The following TAF4B variants were observed in gnomAD, a reference collection of about 807,000 sequenced individuals.
TAF4B encodes TATA-box binding protein associated factor 4b.
TAF4B carries 38 observed loss-of-function variants against 86.4 expected under a neutral mutation model. The ratio of observed to expected loss-of-function variants is 0.44; its 90% CI spans 0.34 to 0.58. The LOEUF (loss-of-function observed/expected upper bound fraction) is 0.58, where lower values mean the gene tolerates loss of function less well. Among genes scored for constraint, TAF4B ranks in the 20% least tolerant of loss-of-function variants. The pLI, the probability that TAF4B is intolerant of heterozygous loss-of-function variation, is 0.02. For synonymous variants in TAF4B, 388 were observed against 391.2 expected, an observed-to-expected ratio of 0.99 and a Z score of 0.10; for missense variants, 988 against 1,027.6, an observed-to-expected ratio of 0.96 and a Z score of 0.53.
At chr18:26,359,766 G>T (rs1189380917) in intron 14 of TAF4B, among the ~76,000 whole-genome samples, 1 of 152,192 alleles carries the variant, frequency 6.6e-6, no homozygotes, top group East Asian at 1.9e-4. Flanking sequence ...TGTCACCCAG[G>T]ATGGAGTGGC....
chr18:26,337,424 C>CTTTTTTTT (rs551888808), intron 13 of TAF4B, among the ~76,000 whole-genome samples: 27 of 126,106 alleles, frequency 2.1e-4, no homozygotes, highest in Non-Finnish European at 2.5e-4. Flanking sequence ...TTCTTTCTTT[C>CTTTTTTTT]TTTTTTTTTT....
chr18:26,279,998 C>G (rs140964150), intron 5 of TAF4B, among the ~76,000 whole-genome samples: 1 of 151,168 alleles, frequency 6.6e-6, no homozygotes, highest in African/African-American at 2.4e-5. Flanking sequence ...GGGCCAAGAT[C>G]ACGCCACTGC....
intron 9 of TAF4B, among the ~76,000 whole-genome samples, chr18:26,298,262 G>T (rs1026845747): frequency 2.6e-5 from 4 of 151,308 alleles, no homozygotes; most frequent in African/African-American, 9.7e-5. Context: ...GCTCTGTCAC[G>T]CAGGCTGCAA....
chr18:26,382,613 T>G (rs1978296081), intron 14 of TAF4B, among the ~76,000 whole-genome samples: 1 of 152,118 alleles, frequency 6.6e-6, no homozygotes, highest in African/African-American at 2.4e-5. Flanking sequence ...TTGGTTTGGC[T>G]TAAAGCTGAC....
intron 13 of TAF4B, among the ~76,000 whole-genome samples, chr18:26,346,883 ATATATATATATATATATGTGTGTG>A (rs1567914223): frequency 0.011 from 82 of 7,760 alleles, 13 homozygotes; most frequent in African/African-American, 0.014. Flanking sequence ...ATGTGTATAT[ATATATATATATATATATGTGTGTG>A]TATATATATA....
chr18:26,272,311 C>T (rs989314849), intron 3 of TAF4B, among the ~76,000 whole-genome samples: 1 of 152,178 alleles, frequency 6.6e-6, no homozygotes, highest in African/African-American at 2.4e-5. Flanking sequence ...GCACCGCTGG[C>T]CTGACAGGAG....
At chr18:26,361,938 A>G (rs964275516) in intron 14 of TAF4B, among the ~76,000 whole-genome samples, 2 of 152,120 alleles carry the variant, frequency 1.3e-5, no homozygotes, top group Admixed American at 6.6e-5. Flanking sequence ...GTATATTCCT[A>G]TAAATATGCT....
chr18:26,272,731 A>G (rs930409308), intron 3 of TAF4B, among the ~76,000 whole-genome samples: 2 of 152,176 alleles, frequency 1.3e-5, no homozygotes, highest in African/African-American at 2.4e-5. Flanking sequence ...ATGACTGATT[A>G]TAAGATAGAC....
intron 3 of TAF4B, among the ~76,000 whole-genome samples, chr18:26,268,670 A>G (rs1162881684): frequency 6.6e-6 from 1 of 152,146 alleles, no homozygotes; most frequent in African/African-American, 2.4e-5. Flanking sequence ...TTTTGCCTCC[A>G]TTGCGTAATA....
At chr18:26,240,153 C>T (rs562306350) in intron 1 of TAF4B, among the ~76,000 whole-genome samples, 1 of 152,260 alleles carries the variant, frequency 6.6e-6, no homozygotes, top group African/African-American at 2.4e-5. Flanking sequence ...ATGGGGATGG[C>T]ATTGAATCTA....
At chr18:26,234,131 GT>G (rs34262919) in intron 1 of TAF4B, among the ~76,000 whole-genome samples, 29,300 of 152,176 alleles carry the variant, frequency 0.19, 4,252 homozygotes, top group African/African-American at 0.41. Context: ...TCCCCATTCT[GT>G]TTCAGTCAGG....
intron 13 of TAF4B, among the ~76,000 whole-genome samples, chr18:26,340,095 C>G (rs986749269): frequency 2.0e-5 from 3 of 152,226 alleles, no homozygotes; most frequent in Non-Finnish European, 4.4e-5. Context: ...AAAATGTAGA[C>G]CAGATTAGAA....
chr18:26,251,387 G>C (rs1045291834), intron 1 of TAF4B, among the ~76,000 whole-genome samples: 2 of 151,978 alleles, frequency 1.3e-5, no homozygotes, highest in Admixed American at 6.6e-5. Context: ...TTTTTTCAGG[G>C]GCAGTATTTA....
At chr18:26,310,365 C>A (rs1261173442) in intron 9 of TAF4B, among the ~76,000 whole-genome samples, 1 of 152,084 alleles carries the variant, frequency 6.6e-6, no homozygotes, top group East Asian at 1.9e-4. Flanking sequence ...AAATATACTT[C>A]CTAGGTGTTT....
At chr18:26,227,716 C>G (rs1238927974) in intron 1 of TAF4B, among the ~76,000 whole-genome samples, 1 of 152,222 alleles carries the variant, frequency 6.6e-6, no homozygotes, top group Non-Finnish European at 1.5e-5. Context: ...TGCAGTGACA[C>G]GATCATGGCT....
intron 1 of TAF4B, among the ~76,000 whole-genome samples, chr18:26,240,117 C>G (rs1477225224): frequency 1.3e-5 from 2 of 152,104 alleles, no homozygotes; most frequent in Non-Finnish European, 2.9e-5. Flanking sequence ...TTTTCCAATT[C>G]TGTGAAGAAA....
intron 7 of TAF4B, 66 bp from the exon 8 acceptor site, chr18:26,292,180 C>A: frequency 6.6e-7 from 1 of 1,525,620 alleles, no homozygotes; most frequent in Non-Finnish European, 8.8e-7. Flanking sequence ...TTGTTTAAAA[C>A]TGAAATCTTA....
chr18:26,360,109 C>T (rs146742946), intron 14 of TAF4B, among the ~76,000 whole-genome samples: 148 of 152,194 alleles, frequency 9.7e-4, no homozygotes, highest in South Asian at 5.4e-3. Flanking sequence ...ATTTTAAAGT[C>T]GTTCCCACAC....
At chr18:26,233,415 C>T (rs570216488) in intron 1 of TAF4B, among the ~76,000 whole-genome samples, 18 of 152,210 alleles carry the variant, frequency 1.2e-4, no homozygotes, top group East Asian at 3.9e-4. Flanking sequence ...TGACAAAACC[C>T]GGACTGTTTG....
Sources: gnomAD v4.1 joint callset for allele counts (sites outside exome capture counted in the v4.1 genomes callset) on GRCh38, gnomAD v4.1.1 for gene constraint, MANE v1.5 for transcripts, NCBI Gene and HGNC (gene_info 2026-07-23, HGNC 2026-07-21) for gene names.